The following GHR variants were observed in gnomAD, a reference collection of about 807,000 sequenced individuals.
The protein encoded by GHR is growth hormone receptor.
A neutral mutation model predicts 67.1 loss-of-function variants in GHR; 35 were observed. The observed-to-expected ratio is 0.52, with a 90% CI of 0.40 to 0.69. The LOEUF is 0.69. Ranked by LOEUF, GHR falls within the 30% of genes least tolerant of loss-of-function variation. GHR has a pLI of 0.00. For synonymous variants in GHR, 272 were observed against 269.1 expected, an observed-to-expected ratio of 1.01 and a Z score of -0.10; for missense variants, 792 against 764.6, an observed-to-expected ratio of 1.04 and a Z score of -0.42.
intron 1 of GHR, among the ~76,000 whole-genome samples, chr5:42,528,248 A>C (rs948830995): frequency 1.2e-4 from 18 of 152,294 alleles, no homozygotes; most frequent in Middle Eastern, 3.4e-3. Context: ...TACATTAAAA[A>C]CCTTATGGAA....
intron 1 of GHR, among the ~76,000 whole-genome samples, chr5:42,477,352 G>A (rs1200934862): frequency 6.6e-6 from 1 of 152,152 alleles, no homozygotes; most frequent in Non-Finnish European, 1.5e-5. Flanking sequence ...ACGTGTGCAT[G>A]TGTCTTTATA....
At chr5:42,715,633 A>G (rs1043750679) in intron 8 of GHR, among the ~76,000 whole-genome samples, 2 of 152,214 alleles carry the variant, frequency 1.3e-5, no homozygotes, top group Admixed American at 6.5e-5. Flanking sequence ...CCTAAAATAG[A>G]ATTTCCAAAC....
chr5:42,556,405 A>C (rs1749312530), intron 1 of GHR, among the ~76,000 whole-genome samples: 1 of 152,182 alleles, frequency 6.6e-6, no homozygotes. Context: ...CAAAATTTTC[A>C]AATTTGAGTC....
At chr5:42,520,688 T>C (rs1396176781) in intron 1 of GHR, among the ~76,000 whole-genome samples, 2 of 152,146 alleles carry the variant, frequency 1.3e-5, no homozygotes, top group African/African-American at 4.8e-5. Context: ...CAAGAGCATG[T>C]TACAGCAGCA....
chr5:42,632,181 G>A (rs1753958693), intron 3 of GHR, among the ~76,000 whole-genome samples: 1 of 152,026 alleles, frequency 6.6e-6, no homozygotes, highest in Non-Finnish European at 1.5e-5. Context: ...GTAAGTTCAG[G>A]CTACTTACCA....
chr5:42,547,277 T>C (rs1479999799), intron 1 of GHR, among the ~76,000 whole-genome samples: 1 of 152,216 alleles, frequency 6.6e-6, no homozygotes, highest in African/African-American at 2.4e-5. Flanking sequence ...CAGCTAATTC[T>C]TGAAGCAGTC....
intron 2 of GHR, among the ~76,000 whole-genome samples, chr5:42,590,816 G>T (rs1751735347): frequency 6.6e-6 from 1 of 152,192 alleles, no homozygotes; most frequent in African/African-American, 2.4e-5. Context: ...AACTGGTGAG[G>T]CTGGAACAAG....
chr5:42,475,583 T>G (rs1016385653), intron 1 of GHR, among the ~76,000 whole-genome samples: 12 of 148,464 alleles, frequency 8.1e-5, no homozygotes, highest in Non-Finnish European at 1.5e-4. Flanking sequence ...TATTTGTAAT[T>G]ATGTATTTTT....
intron 1 of GHR, chr5:42,468,747 T>C: frequency 9.6e-7 from 1 of 1,037,426 alleles, no homozygotes; most frequent in South Asian, 1.3e-5. Context: ...CCCCGCCAGC[T>C]TCTTTTTTCT....
In GHR at chr5:42,629,076, CA is replaced by C; in HGVS notation, c.112del (p.Ser38ValfsTer6). 2 of 1,406,534 alleles carry C rather than the reference CA, an allele frequency of 1.4e-6. No individual in the cohort carries two copies. The highest frequency in any genetic ancestry group is 2.0e-6 in the Non-Finnish European group (2 of 1,021,676). 87.1% of individuals were successfully genotyped at this position (1,406,534 alleles called of 1,614,324 possible). A position where few individuals can be genotyped will look rare whatever the true frequency, so the allele number is the denominator to read the frequency against. On this transcript the variant is annotated frameshift_variant, in exon 3 of 10. Transcript: ENST00000230882. LOFTEE classifies it high-confidence loss of function. ...AILSRAPWSL[Q>X]SVNPGLKTNS... Reference sequence around the variant, plus strand: ...CCTTAGCAGAGCACCCTGGAGTCTGCAAAGTGTTAATCCAGGCCTAAAGACA... The same window carrying C: ...CCTTAGCAGAGCACCCTGGAGTCTGCAAGTGTTAATCCAGGCCTAAAGACA...
At chr5:42,670,876 A>ATATATATAT (rs1388654847) in intron 3 of GHR, among the ~76,000 whole-genome samples, 16 of 94,956 alleles carry the variant, frequency 1.7e-4, no homozygotes, top group African/African-American at 5.4e-4. Context: ...AAAAAAAAAA[A>ATATATATAT]AAAAATATAT....
intron 2 of GHR, among the ~76,000 whole-genome samples, chr5:42,576,102 AT>A (rs1171681480): frequency 0.013 from 1,556 of 119,398 alleles, 47 homozygotes; most frequent in African/African-American, 0.024. Flanking sequence ...AATAAAATAA[AT>A]AAAATAAAAT....
chr5:42,567,247 T>G (rs1749994317), intron 2 of GHR, among the ~76,000 whole-genome samples: 1 of 152,172 alleles, frequency 6.6e-6, no homozygotes. Context: ...TTAAAAAACT[T>G]GTGAAATGAA....
At chr5:42,512,087 A>G (rs1747042783) in intron 1 of GHR, among the ~76,000 whole-genome samples, 1 of 152,120 alleles carries the variant, frequency 6.6e-6, no homozygotes, top group Non-Finnish European at 1.5e-5. Context: ...ATCCCTGTGT[A>G]TGGTCAAAAA....
At chr5:42,610,415 G>A (rs1486704046) in intron 2 of GHR, among the ~76,000 whole-genome samples, 3 of 152,120 alleles carry the variant, frequency 2.0e-5, no homozygotes, top group Non-Finnish European at 2.9e-5. Flanking sequence ...ATGTTTTTGG[G>A]TCTCTCCAGC....
intron 1 of GHR, among the ~76,000 whole-genome samples, chr5:42,539,165 C>A (rs916821732): frequency 3.9e-5 from 6 of 152,062 alleles, no homozygotes; most frequent in African/African-American, 1.4e-4. Flanking sequence ...TAACTAACCT[C>A]CTGAATTCTT....
chr5:42,588,526 CAAAA>C lies in GHR; in HGVS notation c.70+22604_70+22607del, dbSNP rs10716908. ...GGGCAGCAAAAGCGAAACTCCATCT[CAAAA>C]AAAAAAAAAAAAAAAAAAAAAGTGA... is the stretch of plus-strand genomic sequence containing the variant. On this transcript the variant is annotated intron_variant, in intron 2 of 9. Coordinates refer to ENST00000230882, the MANE Select transcript of GHR (RefSeq NM_000163.5). Among the ~76,000 whole-genome samples the C allele has an allele frequency of 4.7e-4, 21 of 45,120 alleles. No individual in the cohort carries two copies. In the South Asian group the frequency reaches 6.8e-3, roughly 15 times the overall value. 29.6% of individuals were successfully genotyped at this position (45,120 alleles called of 152,430 possible).
chr5:42,714,578 CTG>C (rs1002610887), intron 8 of GHR, among the ~76,000 whole-genome samples: 8 of 152,254 alleles, frequency 5.3e-5, no homozygotes, highest in Admixed American at 5.2e-4. Flanking sequence ...AAAAGTCTAA[CTG>C]AATGCAGAAA....
At chr5:42,543,031 T>G (rs1454151780) in intron 1 of GHR, among the ~76,000 whole-genome samples, 1 of 152,168 alleles carries the variant, frequency 6.6e-6, no homozygotes, top group Non-Finnish European at 1.5e-5. Flanking sequence ...TATCCACTCA[T>G]TGTTTGATGG....
Sources: allele counts gnomAD v4.1 joint callset (sites outside exome capture counted in the v4.1 genomes callset), GRCh38; gene constraint gnomAD v4.1.1; transcripts MANE v1.5; gene names NCBI Gene and HGNC (gene_info 2026-07-23, HGNC 2026-07-21).